GIT1: variants seen among roughly 807,000 people sequenced by gnomAD.
GIT1 encodes the protein ARF GTPase-activating protein GIT1.
Under a neutral mutation model 91.7 loss-of-function variants are expected in GIT1, and 14 were observed. The observed-to-expected ratio is 0.15, with a 90% confidence interval of 0.10 to 0.24. The LOEUF (loss-of-function observed/expected upper bound fraction) is 0.24, where lower values mean the gene tolerates loss of function less well. Among genes scored for constraint, GIT1 ranks in the 10% least tolerant of loss-of-function variants. The pLI is 1.00. For synonymous variants in GIT1, 414 were observed against 418.2 expected (o/e 0.99, Z 0.12); for missense variants, 717 against 1,024.9 (o/e 0.70, Z 4.10).
Position 29,589,508 on chromosome 17 carries a change from G to A in GIT1, c.-130C>T. On this transcript the variant is annotated 5_prime_UTR_variant, in exon 1 of 20. Transcript: ENST00000225394. The surrounding 1 kb of genome is among the most constrained non-coding windows in gnomAD (Gnocchi z 5.2). ...GGCCCCGGCGAGGCTCCGCGCGCCC[G>A]GCCAACCGTCCGCCCCGGGGCTGGC... is the stretch of plus-strand genomic sequence containing the variant. The A allele has an allele frequency of 4.4e-6, 1 of 225,238 alleles. No individual in the cohort carries two copies. Among genetic ancestry groups the A allele is most frequent in the Non-Finnish European group, 7.2e-6 (1 of 138,128 alleles). The allele number at this position is 225,238 out of a possible 1,614,324, so 14.0% of individuals were successfully genotyped here. A position where few individuals can be genotyped will look rare whatever the true frequency, so the allele number is the denominator to read the frequency against.
In GIT1 at chr17:29,575,191, C is replaced by T. The variant is rs757168583; in HGVS notation, c.2010-49G>A. 9.6e-6 allele frequency: 15 copies of T among 1,562,590 alleles called. No homozygotes were observed. The East Asian group carries it at 3.2e-4, about 33-fold the overall frequency. On this transcript the variant is annotated intron_variant, in intron 18 of 19. Coordinates refer to ENST00000225394, the MANE Select transcript of GIT1 (RefSeq NM_014030.4). This position sits in a 1 kb window ranked among gnomAD's most constrained non-coding sequence, Gnocchi z 5.5. ...AAGCAGGGGGCTCTCAAGGGAGGTTCCCAGGGACAGCAGAACCCAGGGCCC... is the reference window on the plus strand; with the variant it reads ...AAGCAGGGGGCTCTCAAGGGAGGTTTCCAGGGACAGCAGAACCCAGGGCCC...
intron 7 of GIT1, among the ~76,000 whole-genome samples, chr17:29,580,290 A>T (rs1191630581): frequency 1.3e-5 from 2 of 152,230 alleles, no homozygotes; most frequent in African/African-American, 2.4e-5. Context: ...ACGCATGCAC[A>T]CACAACCCAG....
chr17:29,576,176 GCCCCA>G (rs769059992), intron 14 of GIT1, 39 bp downstream of exon 14: 1 of 1,610,386 alleles, frequency 6.2e-7, no homozygotes, highest in South Asian at 1.1e-5. Context: ...CCCTGCGGCA[GCCCCA>G]CCCATCTCCC....
At chr17:29,584,384 G>C (rs534979596) in intron 1 of GIT1, among the ~76,000 whole-genome samples, 89 of 152,326 alleles carry the variant, frequency 5.8e-4, no homozygotes, top group Non-Finnish European at 1.1e-3. Flanking sequence ...GTCCACACTT[G>C]CTGCTGTCCC....
At position 29,575,732 on chromosome 17, in the gene GIT1, C is replaced by T. The variant is rs369909633; in HGVS notation, c.1753-29G>A. ...GAGGGCGGAGGGAAGGGGCTGTGAG[C>T]GCCGTGTTCCTGGACCCACACTGCC... On this transcript the variant is annotated intron_variant, in intron 16 of 19. Transcript: ENST00000225394. This position sits in a 1 kb window ranked among gnomAD's most constrained non-coding sequence, Gnocchi z 5.5. The T allele has an allele frequency of 1.9e-4, 301 of 1,610,676 alleles. No individual in the cohort carries two copies. The highest frequency in any genetic ancestry group is 2.3e-4 in the Non-Finnish European group (271 of 1,178,144).
chr17:29,583,422 C>T lies in GIT1; in HGVS notation c.186+61G>A. 1.9e-6 allele frequency: 3 copies of T among 1,570,616 alleles called. No homozygotes were observed. In the East Asian group the frequency reaches 6.7e-5, roughly 35 times the overall value. ...GGTGTATGTGGGTGAGGGGGAAACG[C>T]CCTCATGCTCAGCACACTCTGCCTG... On this transcript the variant is annotated intron_variant, in intron 2 of 19. Transcript: ENST00000225394.
chr17:29,579,260 C>G (rs1336584744), intron 7 of GIT1: 1 of 515,074 alleles, frequency 1.9e-6, no homozygotes, highest in African/African-American at 1.9e-5. Context: ...GTGAAGCTCC[C>G]CAGGTTCCTC....
intron 7 of GIT1, 86 bp from the exon 8 acceptor site, chr17:29,578,865 A>G (rs1176918699): frequency 1.3e-6 from 2 of 1,548,954 alleles, no homozygotes; most frequent in Non-Finnish European, 1.8e-6. Flanking sequence ...CCCAACATGC[A>G]GGGATCCCGG....
chr17:29,578,226 C>T, intron 9 of GIT1, 73 bp downstream of exon 9: 1 of 1,235,436 alleles, frequency 8.1e-7, no homozygotes, highest in Non-Finnish European at 1.2e-6. Flanking sequence ...CTTCTTAGCC[C>T]AGTAAAGGAC....
intron 10 of GIT1, 141 bp downstream of exon 10, chr17:29,577,504 C>T: frequency 1.4e-6 from 1 of 719,870 alleles, no homozygotes; most frequent in South Asian, 1.6e-5. Context: ...CCTGACCTTC[C>T]CAAATCCCAG....
chr17:29,581,422 G>A lies in GIT1; in HGVS notation c.719-42C>T, dbSNP rs1333286809. The A allele has an allele frequency of 6.5e-7, 1 of 1,532,966 alleles. No homozygotes were observed. 95.0% of individuals were successfully genotyped at this position (1,532,966 alleles called of 1,614,324 possible). ...ATGCCAAGTCACTCACTAGTGCTGGGTGGCCTCAGCAGCTGGGAGCCCACC... is the reference window on the plus strand; with the variant it reads ...ATGCCAAGTCACTCACTAGTGCTGGATGGCCTCAGCAGCTGGGAGCCCACC... On this transcript the variant is annotated intron_variant, in intron 6 of 19. Coordinates refer to ENST00000225394, the MANE Select transcript of GIT1 (RefSeq NM_014030.4). This position sits in a 1 kb window ranked among gnomAD's most constrained non-coding sequence, Gnocchi z 4.8.
At chr17:29,588,890 A>T (rs991391051) in intron 1 of GIT1, among the ~76,000 whole-genome samples, 1 of 152,146 alleles carries the variant, frequency 6.6e-6, no homozygotes. Context: ...CGGCAGGCGT[A>T]CCGACCACGC....
Position 29,575,825 on chromosome 17 carries a change from C to T in GIT1, c.1739G>A (p.Gly580Glu), listed in dbSNP as rs1256304192. Residue 580 changes from glycine to glutamate, a missense_variant, in exon 16 of 20, where the codon GGA becomes GAA. Gly to Glu is a moderately conservative substitution (Grantham distance 98, BLOSUM62 -2). Transcript: ENST00000225394. This position sits in a 1 kb window ranked among gnomAD's most constrained non-coding sequence, Gnocchi z 5.5. ...SSPLLSCSQEGSRHTSKLSRH... is the reference protein window; with the variant it reads ...SSPLLSCSQEESRHTSKLSRH... ...TGGAAACATTACCGTGTGGCGGCTT[C>T]CCTCCTGGGAGCAGGACAGCAGCGG... 2.2e-5 allele frequency: 35 copies of T among 1,612,568 alleles called. No homozygotes were observed. Among genetic ancestry groups the T allele is most frequent in the Non-Finnish European group, 2.8e-5 (33 of 1,179,372 alleles).
chr17:29,588,438 T>C (rs1394544221), intron 1 of GIT1, among the ~76,000 whole-genome samples: 1 of 151,828 alleles, frequency 6.6e-6, no homozygotes, highest in Non-Finnish European at 1.5e-5. Flanking sequence ...TCCAGCCCAG[T>C]CCTAACTCTG....
At position 29,576,613 on chromosome 17, in the gene GIT1, T is replaced by C. The variant is rs1172553215; in HGVS notation, c.1289A>G (p.Lys430Arg). 6.2e-7 allele frequency: 1 copy of C among 1,614,058 alleles called. No individual in the cohort carries two copies. Among genetic ancestry groups the C allele is most frequent in the Non-Finnish European group, 8.5e-7 (1 of 1,179,998 alleles). The change falls in exon 13 of 20, where the codon AAG (lysine) becomes AGG (arginine). Residue 430 changes from lysine to arginine, a missense_variant. Around this residue, in one of 3 missense-constraint regions of GIT1, gnomAD observed 312 missense variants for 349.5 expected, o/e 0.89. Transcript: ENST00000225394. ...AVTLQEYLEL[K>R]KALATSEAKV... Reference sequence around the variant, plus strand: ...TGCCTCCGATGTAGCCAGGGCCTTCTTCAGCTCCAGGTACTCCTGCAGCGT... The same window carrying C: ...TGCCTCCGATGTAGCCAGGGCCTTCCTCAGCTCCAGGTACTCCTGCAGCGT...
intron 1 of GIT1, among the ~76,000 whole-genome samples, chr17:29,585,748 T>TAAGGTGAAGGGA (rs1346983623): frequency 1.3e-5 from 2 of 152,170 alleles, no homozygotes; most frequent in Non-Finnish European, 2.9e-5. Context: ...GATTGTAGTT[T>TAAGGTGAAGGGA]AAGGTGAAGG....
rs138661474 is a variant in GIT1, at chr17:29,577,669, C to T, written c.957G>A (p.Pro319=). 8.7e-5 allele frequency: 140 copies of T among 1,611,916 alleles called. No homozygotes were observed. In the African/African-American group the frequency reaches 1.1e-3, roughly 13 times the overall value. The change falls in exon 10 of 20, where the codon CCG becomes CCA. Residue 319 remains proline, a synonymous_variant. Coordinates refer to ENST00000225394, the MANE Select transcript of GIT1 (RefSeq NM_014030.4). Reference sequence around the variant, plus strand: ...CCTGATTCCGCGTGGCTGAGTATTCCGGGTTAACAGGCAGGAAGGGCACGG... The same window carrying T: ...CCTGATTCCGCGTGGCTGAGTATTCTGGGTTAACAGGCAGGAAGGGCACGG... The part of the protein sequence containing the change: ...RSAVPFLPVN[P]EYSATRNQGR...
chr17:29,589,262 G>C lies in GIT1; in HGVS notation c.52+65C>G. 1.7e-6 allele frequency: 1 copy of C among 571,960 alleles called. No individual in the cohort carries two copies. The highest frequency in any genetic ancestry group is 2.2e-6 in the Non-Finnish European group (1 of 450,708). 35.4% of individuals were successfully genotyped at this position (571,960 alleles called of 1,614,324 possible). On this transcript the variant is annotated intron_variant, in intron 1 of 19. Coordinates refer to ENST00000225394, the MANE Select transcript of GIT1 (RefSeq NM_014030.4). The surrounding 1 kb of genome is among the most constrained non-coding windows in gnomAD (Gnocchi z 5.2). ...CCGGCCCCGCACAGCGCTCTTGCCA[G>C]GCCCCGGCGCCCGCCCGGCGGCGGC...
intron 2 of GIT1, 150 bp from the exon 3 acceptor site, chr17:29,583,187 C>G (rs1247496410): frequency 3.1e-6 from 2 of 655,614 alleles, no homozygotes; most frequent in Non-Finnish European, 5.5e-6. Context: ...TCCATCTAGT[C>G]CAGCTGCCCA....
Sources: allele counts gnomAD v4.1 joint callset (sites outside exome capture counted in the v4.1 genomes callset), GRCh38; gene constraint gnomAD v4.1.1; regional missense constraint gnomAD v4.1.1; non-coding constraint Gnocchi (gnomAD v3.1); transcripts MANE v1.5; gene names NCBI Gene and HGNC (gene_info 2026-07-23, HGNC 2026-07-21).